EYS: variants seen among roughly 807,000 people sequenced by gnomAD.
EYS encodes protein eyes shut homolog.
A neutral mutation model predicts 282.1 loss-of-function variants in EYS; 250 were observed. The observed-to-expected ratio is 0.89, with a 90% CI of 0.80 to 0.98. EYS has a LOEUF of 0.98. EYS is among the 50% of genes least tolerant of loss of function. The probability of loss-of-function intolerance (pLI) is 0.00; values close to 1 mark genes in which losing one functional copy is unlikely to be tolerated. For missense variants in EYS, 4,016 were observed against 3,709.0 expected (o/e 1.08, Z -2.15); for synonymous variants, 1,355 against 1,282.9 (o/e 1.06, Z -1.20).
At chr6:65,526,638 T>G (rs2127303117) in intron 2 of EYS, among the ~76,000 whole-genome samples, 1 of 152,172 alleles carries the variant, frequency 6.6e-6, no homozygotes, top group Admixed American at 6.5e-5. Flanking sequence ...ACCCCGTCTC[T>G]ACTAAAAAAT....
chr6:65,333,716 T>C (rs1358102712), intron 11 of EYS, among the ~76,000 whole-genome samples: 2 of 148,932 alleles, frequency 1.3e-5, no homozygotes, highest in Admixed American at 1.3e-4. Context: ...GCTCTGTTGT[T>C]AGTTGTGTAT....
intron 22 of EYS, among the ~76,000 whole-genome samples, chr6:64,721,445 G>A (rs2149943464): frequency 6.6e-6 from 1 of 152,198 alleles, no homozygotes; most frequent in South Asian, 2.1e-4. Context: ...GGAGGAAGTG[G>A]AAAATCCTAG....
At chr6:64,374,812 A>G (rs1423864912) in intron 29 of EYS, among the ~76,000 whole-genome samples, 1 of 152,226 alleles carries the variant, frequency 6.6e-6, no homozygotes, top group African/African-American at 2.4e-5. Context: ...GCATACAGAA[A>G]GGTACTATGG....
At chr6:64,875,282 A>G (rs1474599897) in intron 19 of EYS, among the ~76,000 whole-genome samples, 4 of 152,044 alleles carry the variant, frequency 2.6e-5, no homozygotes, top group Non-Finnish European at 4.4e-5. Flanking sequence ...GCTTTGGGAC[A>G]TAGGTATTAG....
chr6:64,160,516 T>C (rs1314481492), intron 31 of EYS, among the ~76,000 whole-genome samples: 1 of 152,192 alleles, frequency 6.6e-6, no homozygotes, highest in Non-Finnish European at 1.5e-5. Flanking sequence ...TCTTCTGTAG[T>C]AGGATAATTG....
At chr6:63,925,961 A>T (rs144469030) in intron 35 of EYS, among the ~76,000 whole-genome samples, 1,741 of 152,258 alleles carry the variant, frequency 0.011, 14 homozygotes, top group Non-Finnish European at 0.018. Flanking sequence ...CTAGGTTTTA[A>T]GCACCGCATG....
At chr6:64,140,364 T>C (rs1314429553) in intron 31 of EYS, among the ~76,000 whole-genome samples, 3 of 152,206 alleles carry the variant, frequency 2.0e-5, no homozygotes, top group African/African-American at 7.2e-5. Context: ...TAAGTGAAAA[T>C]TCTTGGTGTG....
chr6:64,313,321 C>A (rs1156881423), intron 29 of EYS, among the ~76,000 whole-genome samples: 1 of 71,292 alleles, frequency 1.4e-5, no homozygotes. Context: ...AGCAAGAAGA[C>A]AAGATTAGAG....
rs1304181980 is a variant in EYS at position 65,443,436 on chromosome 6, A to T, written c.863-38069T>A. 2.7e-5 allele frequency among the ~76,000 whole-genome samples: 4 copies of T among 150,834 alleles called. 1 individual carries two copies. The Admixed American group carries it at 2.7e-4, about 10-fold the overall frequency. On this transcript the variant is annotated intron_variant, in intron 5 of 42. Transcript: ENST00000503581. ...TAGCCATATATGTACATATATGTAC[A>T]CATATAGCCATATGTACATATACGC... is the stretch of plus-strand genomic sequence containing the variant.
intron 28 of EYS, among the ~76,000 whole-genome samples, chr6:64,390,938 T>C (rs999962901): frequency 2.0e-5 from 3 of 150,328 alleles, no homozygotes; most frequent in Middle Eastern, 3.5e-3. Context: ...AAGGAGCTGA[T>C]GGAGCTGAAA....
At chr6:63,799,461 A>G (rs1366654019) in intron 37 of EYS, among the ~76,000 whole-genome samples, 1 of 152,134 alleles carries the variant, frequency 6.6e-6, no homozygotes, top group Admixed American at 6.6e-5. Context: ...TACAATCCGA[A>G]TCAATCAATG....
intron 33 of EYS, among the ~76,000 whole-genome samples, chr6:64,028,567 T>C (rs1769652181): frequency 6.6e-6 from 1 of 152,160 alleles, no homozygotes; most frequent in Admixed American, 6.5e-5. Context: ...AAGGATGCCT[T>C]CTTCTATATT....
intron 36 of EYS, among the ~76,000 whole-genome samples, chr6:63,834,730 C>T (rs1468107685): frequency 1.3e-5 from 2 of 151,968 alleles, no homozygotes; most frequent in Non-Finnish European, 2.9e-5. Flanking sequence ...ATAAATCATG[C>T]TGCTGTATAG....
chr6:64,331,474 C>T (rs141072351), intron 29 of EYS, among the ~76,000 whole-genome samples: 304 of 152,172 alleles, frequency 2.0e-3, no homozygotes, highest in African/African-American at 6.6e-3. Context: ...CTTACTGGAG[C>T]TTCCCCTAAC....
intron 26 of EYS, among the ~76,000 whole-genome samples, chr6:64,483,492 A>G (rs1776495195): frequency 6.6e-6 from 1 of 151,724 alleles, no homozygotes; most frequent in Non-Finnish European, 1.5e-5. Context: ...ACTTCTCACT[A>G]GGGAAGAGGA....
intron 32 of EYS, among the ~76,000 whole-genome samples, chr6:64,078,952 T>C (rs1306440762): frequency 3.3e-5 from 5 of 152,058 alleles, no homozygotes; most frequent in Non-Finnish European, 7.4e-5. Context: ...TTCCCAGTGG[T>C]TGGGTGCTGC....
At chr6:64,755,209 G>GA (rs1446394991) in intron 22 of EYS, among the ~76,000 whole-genome samples, 1 of 151,910 alleles carries the variant, frequency 6.6e-6, no homozygotes, top group African/African-American at 2.4e-5. Context: ...AAAACCTATG[G>GA]AAAATGTTCT....
chr6:63,737,100 C>T (rs1768934457), intron 41 of EYS, among the ~76,000 whole-genome samples: 1 of 150,358 alleles, frequency 6.7e-6, no homozygotes. Context: ...GCCTAATTGC[C>T]CTGGCCAGAA....
intron 37 of EYS, among the ~76,000 whole-genome samples, chr6:63,793,419 A>G (rs1770565537): frequency 6.6e-6 from 1 of 152,246 alleles, no homozygotes; most frequent in African/African-American, 2.4e-5. Flanking sequence ...GGAAGTACAT[A>G]TGCATGCACA....
Sources: gnomAD v4.1 joint callset for allele counts (sites outside exome capture counted in the v4.1 genomes callset) on GRCh38, gnomAD v4.1.1 for gene constraint, MANE v1.5 for transcripts, NCBI Gene and HGNC (gene_info 2026-07-23, HGNC 2026-07-21) for gene names.